The following KIRREL3 variants were observed in gnomAD, a reference collection of about 807,000 sequenced individuals.
KIRREL3 encodes kirre like nephrin family adhesion molecule 3, also known as kin of IRRE-like protein 3.
KIRREL3 carries 36 observed loss-of-function variants against 89.7 expected under a neutral mutation model. The observed-to-expected ratio is 0.40, with a 90% CI of 0.31 to 0.53. The LOEUF is 0.53. Ranked by LOEUF, KIRREL3 falls within the 20% of genes least tolerant of loss-of-function variation. The pLI, the probability that KIRREL3 is intolerant of heterozygous loss-of-function variation, is 0.49. For missense variants in KIRREL3, 864 were observed against 1,056.6 expected, an observed-to-expected ratio of 0.82 and a Z score of 2.53; for synonymous variants, 445 against 441.4, an observed-to-expected ratio of 1.01 and a Z score of -0.10.
intron 1 of KIRREL3, among the ~76,000 whole-genome samples, chr11:126,833,968 C>T (rs145098221): frequency 1.3e-4 from 20 of 152,312 alleles, no homozygotes; most frequent in Non-Finnish European, 1.9e-4. Context: ...CCTTTTCTTG[C>T]AACTTCTGTT....
chr11:126,807,601 A>G lies in KIRREL3; in HGVS notation c.55+192854T>C, dbSNP rs1345431412. Among the ~76,000 whole-genome samples the G allele has an allele frequency of 3.3e-5, 5 of 152,192 alleles. No individual in the cohort carries two copies. The highest frequency in any genetic ancestry group is 4.8e-5 in the African/African-American group (2 of 41,440). On this transcript the variant is annotated intron_variant, in intron 1 of 16. Transcript: ENST00000525144. The surrounding 1 kb of genome is among the most constrained non-coding windows in gnomAD (Gnocchi z 4.3). ...ACACGGAACCTCATGCAGGTACCCAATTATGCTGTGCCCTTCCCCATCTCC... is the reference window on the plus strand; with the variant it reads ...ACACGGAACCTCATGCAGGTACCCAGTTATGCTGTGCCCTTCCCCATCTCC...
chr11:126,770,733 T>C (rs1182598475), intron 1 of KIRREL3, among the ~76,000 whole-genome samples: 2 of 152,194 alleles, frequency 1.3e-5, no homozygotes, highest in Non-Finnish European at 2.9e-5. Flanking sequence ...GACTTCTTCC[T>C]GAAGCCCTTT....
intron 1 of KIRREL3, among the ~76,000 whole-genome samples, chr11:126,599,407 C>G (rs774564456): frequency 2.6e-5 from 4 of 152,180 alleles, no homozygotes; most frequent in Non-Finnish European, 4.4e-5. Flanking sequence ...TTCTTCTTCT[C>G]TGTTCTCTTT....
intron 13 of KIRREL3, among the ~76,000 whole-genome samples, chr11:126,434,729 C>T (rs1955254646): frequency 6.6e-6 from 1 of 152,190 alleles, no homozygotes; most frequent in African/African-American, 2.4e-5. Context: ...GGAGGCGCTG[C>T]CCTGCAGCCT....
intron 5 of KIRREL3, among the ~76,000 whole-genome samples, chr11:126,470,489 A>G (rs939469625): frequency 6.6e-6 from 1 of 152,172 alleles, no homozygotes; most frequent in Non-Finnish European, 1.5e-5. Flanking sequence ...GCAGCCCTGG[A>G]GTGACCTCTT....
intron 4 of KIRREL3, among the ~76,000 whole-genome samples, chr11:126,478,619 GTA>G (rs1402018331): frequency 2.8e-5 from 3 of 106,462 alleles, no homozygotes; most frequent in East Asian, 3.6e-4. Flanking sequence ...GTATATGTGT[GTA>G]TGTGTGTATG....
intron 1 of KIRREL3, among the ~76,000 whole-genome samples, chr11:126,671,642 A>G (rs1945955374): frequency 6.6e-6 from 1 of 152,266 alleles, no homozygotes; most frequent in Non-Finnish European, 1.5e-5. Flanking sequence ...ACACTTCACC[A>G]AAGAAGATAC....
At chr11:126,835,999 T>C (rs1364296462) in intron 1 of KIRREL3, among the ~76,000 whole-genome samples, 1 of 152,180 alleles carries the variant, frequency 6.6e-6, no homozygotes, top group African/African-American at 2.4e-5. Context: ...GTATGAATTG[T>C]TACACATTGA....
rs1950770647 is a variant in KIRREL3, at chr11:126,795,282, G to C, written c.55+205173C>G. Among the ~76,000 whole-genome samples the C allele has an allele frequency of 6.6e-6, 1 of 152,240 alleles. No individual in the cohort carries two copies. Among genetic ancestry groups the C allele is most frequent in the Admixed American group, 6.5e-5 (1 of 15,288 alleles). On this transcript the variant is annotated intron_variant, in intron 1 of 16. Coordinates refer to ENST00000525144, the MANE Select transcript of KIRREL3 (RefSeq NM_032531.4). This position sits in a 1 kb window ranked among gnomAD's most constrained non-coding sequence, Gnocchi z 4.1. ...CTATATTGGCTTACCAATGGTAACA[G>C]ATATACTACACTAATGCAAGATGCT... is the stretch of plus-strand genomic sequence containing the variant.
chr11:126,538,813 T>C (rs1479860871), intron 2 of KIRREL3, among the ~76,000 whole-genome samples: 1 of 152,128 alleles, frequency 6.6e-6, no homozygotes, highest in Non-Finnish European at 1.5e-5. Flanking sequence ...TGATATGTCT[T>C]CCGCTGAGTA....
At chr11:126,777,387 A>G (rs1258522128) in intron 1 of KIRREL3, among the ~76,000 whole-genome samples, 1 of 152,154 alleles carries the variant, frequency 6.6e-6, no homozygotes, top group Non-Finnish European at 1.5e-5. Flanking sequence ...GCACAGAGTT[A>G]ATGAAGGCAA....
At chr11:126,713,308 G>A (rs10790820) in intron 1 of KIRREL3, among the ~76,000 whole-genome samples, 114,137 of 152,208 alleles carry the variant, frequency 0.75, 43,748 homozygotes, top group East Asian at 0.98. Context: ...AGGAAGTAGC[G>A]GACAATAGGC....
Position 126,755,290 on chromosome 11 carries a change from T to G in KIRREL3, c.56-192378A>C, listed in dbSNP as rs746828376. On this transcript the variant is annotated intron_variant, in intron 1 of 16. Transcript: ENST00000525144. This position sits in a 1 kb window ranked among gnomAD's most constrained non-coding sequence, Gnocchi z 4.3. ...CATAGCCCTGCAGACAGTTCCCTCT[T>G]GATCCCTTGCACCAGGCTGGGTGGA... Among the ~76,000 whole-genome samples the G allele has an allele frequency of 6.6e-6, 1 of 152,192 alleles. No homozygotes were observed. The highest frequency in any genetic ancestry group is 2.4e-5 in the African/African-American group (1 of 41,452).
rs117815856 is a variant in KIRREL3 at position 126,490,107 on chromosome 11, C to T, written c.434-16641G>A. ...GTGCCTTAAAGTCACAGTTAGCTCC[C>T]ATGATGGGCATTCGTGTTTGTGGCC... On this transcript the variant is annotated intron_variant, in intron 4 of 16. Transcript: ENST00000525144. The surrounding 1 kb of genome is among the most constrained non-coding windows in gnomAD (Gnocchi z 4.2). 0.01 allele frequency among the ~76,000 whole-genome samples: 1,535 copies of T among 151,880 alleles called. 11 individuals are homozygous for T. Among genetic ancestry groups the T allele is most frequent in the Middle Eastern group, 0.037 (11 of 294 alleles).
intron 1 of KIRREL3, among the ~76,000 whole-genome samples, chr11:126,952,104 G>C (rs1399825063): frequency 2.0e-5 from 3 of 152,176 alleles, no homozygotes; most frequent in Non-Finnish European, 4.4e-5. Flanking sequence ...ATAGAGTTTT[G>C]GCTGGGCACG....
chr11:126,440,885 G>A, intron 10 of KIRREL3: 1 of 366,742 alleles, frequency 2.7e-6, no homozygotes, highest in East Asian at 6.2e-5. Context: ...TCTATCTGGC[G>A]GACGGGGAAA....
Position 126,521,357 on chromosome 11 carries a change from G to A in KIRREL3, c.391C>T (p.Gln131Ter). 1 of 1,555,552 alleles carries A rather than the reference G, an allele frequency of 6.4e-7. No individual in the cohort carries two copies. The change falls in exon 4 of 17, where the codon CAG becomes TAG. Residue 131 changes from glutamine (Q) to a stop codon, truncating the protein, a stop_gained. Transcript: ENST00000525144. LOFTEE classifies it high-confidence loss of function. This position sits in a 1 kb window ranked among gnomAD's most constrained non-coding sequence, Gnocchi z 4.1. ...DDAVYECQAI[Q>*]AAIRSRPARL... Reference sequence around the variant, plus strand: ...GCGGGGCGGGAGCGGATGGCGGCCTGGATGGCCTGGCACTCGTACACCGCA... The same window carrying A: ...GCGGGGCGGGAGCGGATGGCGGCCTAGATGGCCTGGCACTCGTACACCGCA...
chr11:126,809,196 TC>T (rs1165242870), intron 1 of KIRREL3, among the ~76,000 whole-genome samples: 1 of 152,062 alleles, frequency 6.6e-6, no homozygotes, highest in Non-Finnish European at 1.5e-5. Context: ...GGTCACCCAG[TC>T]ATGAAAACAA....
At chr11:126,583,274 T>C (rs1220831654) in intron 1 of KIRREL3, among the ~76,000 whole-genome samples, 1 of 152,202 alleles carries the variant, frequency 6.6e-6, no homozygotes, top group Admixed American at 6.5e-5. Flanking sequence ...GCTCTAGGCC[T>C]GCCAGCAGCT....
Sources: allele counts gnomAD v4.1 joint callset (sites outside exome capture counted in the v4.1 genomes callset), GRCh38; gene constraint gnomAD v4.1.1; non-coding constraint Gnocchi (gnomAD v3.1); transcripts MANE v1.5; gene names NCBI Gene and HGNC (gene_info 2026-07-23, HGNC 2026-07-21).